Variants in FMNL2 observed in about 807,000 individuals in gnomAD.
FMNL2 encodes formin like 2.
In FMNL2, 51 loss-of-function variants were observed where a neutral mutation model predicts 130.2. That is an observed-to-expected ratio of 0.39 (90% CI 0.31 to 0.49). The LOEUF is 0.49. FMNL2 is among the 20% of genes least tolerant of loss of function. The probability of loss-of-function intolerance (pLI) is 0.85; values close to 1 mark genes in which losing one functional copy is unlikely to be tolerated. For missense variants in FMNL2, 977 were observed against 1,316.2 expected, an observed-to-expected ratio of 0.74 and a Z score of 3.99; for synonymous variants, 465 against 467.1, an observed-to-expected ratio of 1.00 and a Z score of 0.06.
intron 1 of FMNL2, among the ~76,000 whole-genome samples, chr2:152,340,673 G>A (rs1681746385): frequency 6.6e-6 from 1 of 152,168 alleles, no homozygotes; most frequent in Admixed American, 6.5e-5. Flanking sequence ...AGGAAAGGAA[G>A]GTCAAGTTGT....
chr2:152,493,368 C>T (rs1200831867), intron 1 of FMNL2, among the ~76,000 whole-genome samples: 1 of 152,198 alleles, frequency 6.6e-6, no homozygotes, highest in African/African-American at 2.4e-5. Flanking sequence ...TCATTCAAAT[C>T]TCAAATGTCC....
intron 1 of FMNL2, among the ~76,000 whole-genome samples, chr2:152,446,246 A>G (rs909269020): frequency 2.0e-5 from 3 of 152,150 alleles, no homozygotes; most frequent in Non-Finnish European, 4.4e-5. Context: ...CAATGGCAAA[A>G]TCATTTTTAA....
intron 1 of FMNL2, among the ~76,000 whole-genome samples, chr2:152,468,394 A>G (rs750628550): frequency 5.3e-5 from 8 of 152,236 alleles, no homozygotes; most frequent in Non-Finnish European, 1.0e-4. Context: ...ATTTACATTT[A>G]AAAACACTTC....
intron 22 of FMNL2, 112 bp downstream of exon 22, chr2:152,636,702 G>A: frequency 2.3e-6 from 3 of 1,284,014 alleles, no homozygotes; most frequent in South Asian, 1.5e-5. Context: ...TTTGTGGAGG[G>A]TAGCTTTCTT....
chr2:152,607,526 CAG>C, intron 10 of FMNL2, 113 bp downstream of exon 10: 1 of 776,740 alleles, frequency 1.3e-6, no homozygotes. Context: ...TTACAAAGGA[CAG>C]GGAATTGCAA....
chr2:152,442,929 T>A (rs1238653779), intron 1 of FMNL2, among the ~76,000 whole-genome samples: 1 of 152,170 alleles, frequency 6.6e-6, no homozygotes, highest in Non-Finnish European at 1.5e-5. Context: ...TCTAACAAGT[T>A]CCCAGGTGCA....
chr2:152,456,670 G>A (rs1232983549), intron 1 of FMNL2, among the ~76,000 whole-genome samples: 2 of 152,118 alleles, frequency 1.3e-5, no homozygotes, highest in Non-Finnish European at 2.9e-5. Context: ...GGGGCCGGGC[G>A]CGGTAGCTCA....
chr2:152,359,944 C>T (rs1411621787), intron 1 of FMNL2, among the ~76,000 whole-genome samples: 1 of 152,172 alleles, frequency 6.6e-6, no homozygotes, highest in African/African-American at 2.4e-5. Flanking sequence ...GAACTAGGCA[C>T]ACATTCAACT....
chr2:152,372,986 C>A (rs1203642383), intron 1 of FMNL2, among the ~76,000 whole-genome samples: 1 of 152,116 alleles, frequency 6.6e-6, no homozygotes, highest in Admixed American at 6.5e-5. Context: ...TATAAGGGAA[C>A]ATGGTGAAAT....
intron 1 of FMNL2, among the ~76,000 whole-genome samples, chr2:152,496,298 A>T (rs559050635): frequency 1.4e-4 from 22 of 152,256 alleles, no homozygotes; most frequent in Non-Finnish European, 2.8e-4. Flanking sequence ...CAGTTATTTC[A>T]TAGACTTTGA....
intron 1 of FMNL2, among the ~76,000 whole-genome samples, chr2:152,520,543 C>T (rs1054278580): frequency 6.7e-6 from 1 of 149,394 alleles, no homozygotes; most frequent in South Asian, 2.1e-4. Flanking sequence ...TGCAGTGAGC[C>T]GAGATCGTGC....
chr2:152,461,329 A>G (rs561495826), intron 1 of FMNL2, among the ~76,000 whole-genome samples: 10 of 150,768 alleles, frequency 6.6e-5, no homozygotes, highest in Non-Finnish European at 1.3e-4. Flanking sequence ...CATGTAATCA[A>G]TATAAAGATT....
At chr2:152,646,731 T>C (rs1264929778) in intron 25 of FMNL2, among the ~76,000 whole-genome samples, 1 of 152,156 alleles carries the variant, frequency 6.6e-6, no homozygotes, top group Admixed American at 6.5e-5. Context: ...TTTCTAAAGA[T>C]AGCATGTATT....
intron 4 of FMNL2, among the ~76,000 whole-genome samples, chr2:152,550,331 C>T (rs1473478644): frequency 6.6e-6 from 1 of 152,172 alleles, no homozygotes; most frequent in Non-Finnish European, 1.5e-5. Flanking sequence ...TGATAACCAG[C>T]AGGTTTTTCA....
intron 3 of FMNL2, among the ~76,000 whole-genome samples, chr2:152,547,101 A>G (rs1212212357): frequency 6.6e-6 from 1 of 152,012 alleles, no homozygotes; most frequent in Non-Finnish European, 1.5e-5. Flanking sequence ...TTGTGCTACC[A>G]TGCCTAATTT....
At chr2:152,516,531 G>A (rs1235495397) in intron 1 of FMNL2, among the ~76,000 whole-genome samples, 3 of 152,142 alleles carry the variant, frequency 2.0e-5, no homozygotes, top group Non-Finnish European at 4.4e-5. Flanking sequence ...GTGACTGAAT[G>A]CTTGTGAGTT....
Position 152,550,391 on chromosome 2 carries a change from T to C in FMNL2, c.359+1294T>C, listed in dbSNP as rs1347284133. ...ATGAATTAATTCTAGACTTTGTCCC[T>C]GGAAATGGGCTATAGAACAAAGAAT... On this transcript the variant is annotated intron_variant, in intron 4 of 25. Coordinates refer to ENST00000288670, the MANE Select transcript of FMNL2 (RefSeq NM_052905.4). Among the ~76,000 whole-genome samples, 4 of 152,216 alleles carry C rather than the reference T, an allele frequency of 2.6e-5. No homozygotes were observed. The East Asian group carries it at 7.7e-4, about 29-fold the overall frequency.
At chr2:152,346,903 A>C (rs1166770922) in intron 1 of FMNL2, among the ~76,000 whole-genome samples, 4 of 151,952 alleles carry the variant, frequency 2.6e-5, no homozygotes, top group African/African-American at 9.7e-5. Flanking sequence ...CAGCCTGGCC[A>C]ACATGGTGAA....
intron 1 of FMNL2, among the ~76,000 whole-genome samples, chr2:152,396,372 A>AT (rs553652920): frequency 1.5e-3 from 229 of 152,326 alleles, no homozygotes; most frequent in African/African-American, 5.2e-3. Context: ...TAGAGAACTG[A>AT]TTCGTAATTT....
Sources: gnomAD v4.1 joint callset for allele counts (sites outside exome capture counted in the v4.1 genomes callset) on GRCh38, gnomAD v4.1.1 for gene constraint, MANE v1.5 for transcripts, NCBI Gene and HGNC (gene_info 2026-07-23, HGNC 2026-07-21) for gene names.